VWA5B1: variants seen among roughly 807,000 people sequenced by gnomAD.
VWA5B1 encodes the protein von Willebrand factor A domain-containing protein 5B1.
VWA5B1 carries 115 observed loss-of-function variants against 118.2 expected under a neutral mutation model. The ratio of observed to expected loss-of-function variants is 0.97; its 90% CI spans 0.84 to 1.14. The LOEUF (loss-of-function observed/expected upper bound fraction) is 1.14, where lower values mean the gene tolerates loss of function less well. Ranked by LOEUF, VWA5B1 falls within the 50% of genes most tolerant of loss-of-function variation. VWA5B1 has a pLI of 0.00. For missense variants in VWA5B1, 1,596 were observed against 1,603.8 expected, an observed-to-expected ratio of 1.00 and a Z score of 0.08; for synonymous variants, 682 against 658.4, an observed-to-expected ratio of 1.04 and a Z score of -0.55.
intron 1 of VWA5B1, among the ~76,000 whole-genome samples, chr1:20,309,279 A>G (rs1377938410): frequency 6.6e-6 from 1 of 152,258 alleles, no homozygotes; most frequent in Non-Finnish European, 1.5e-5. Context: ...AGAGTAACAG[A>G]CATCGCTCAG....
At chr1:20,333,556 C>G (rs2089631967) in intron 12 of VWA5B1, among the ~76,000 whole-genome samples, 1 of 152,252 alleles carries the variant, frequency 6.6e-6, no homozygotes, top group Admixed American at 6.5e-5. Context: ...GCCCAGGAAA[C>G]TGCATTTTAC....
chr1:20,291,339 C>CTCTTTCTTTCTT lies in VWA5B1; in HGVS notation c.-27+263_-27+274dup, dbSNP rs767987500. On this transcript the variant is annotated intron_variant, in intron 1 of 21. Coordinates refer to ENST00000289815, the MANE Select transcript of VWA5B1 (RefSeq NM_001039500.3). The stretch of plus-strand genomic sequence containing the variant: ...GCTACTCAGGTCCAGCTCTCTCTCT[C>CTCTTTCTTTCTT]TCTTTCTTTCTTTCTTTCTTTCTCT... 1.6e-3 allele frequency among the ~76,000 whole-genome samples: 220 copies of CTCTTTCTTTCTT among 135,102 alleles called. 3 individuals carry two copies. The highest frequency in any genetic ancestry group is 0.013 in the South Asian group (50 of 3,934). 88.6% of individuals were successfully genotyped at this position (135,102 alleles called of 152,430 possible).
intron 14 of VWA5B1, 152 bp downstream of exon 14, chr1:20,337,988 T>C (rs1344507360): frequency 6.0e-6 from 6 of 1,003,258 alleles, no homozygotes; most frequent in South Asian, 2.8e-5. Flanking sequence ...TTCATCTGCC[T>C]TACCTCCGAG....
intron 19 of VWA5B1, 111 bp downstream of exon 19, chr1:20,350,341 C>T (rs973072714): frequency 8.3e-7 from 1 of 1,208,642 alleles, no homozygotes; most frequent in African/African-American, 1.5e-5. Context: ...ATGGAGTCCT[C>T]AAAGCAGCCG....
intron 1 of VWA5B1, among the ~76,000 whole-genome samples, chr1:20,305,839 C>T (rs1053284538): frequency 6.6e-6 from 1 of 152,048 alleles, no homozygotes; most frequent in African/African-American, 2.4e-5. Context: ...TCCATAGCTT[C>T]TCTGTGGAGC....
At chr1:20,320,478 C>T (rs1355647593) in intron 7 of VWA5B1, among the ~76,000 whole-genome samples, 2 of 152,204 alleles carry the variant, frequency 1.3e-5, no homozygotes, top group African/African-American at 2.4e-5. Context: ...CCGGGGTTCT[C>T]AGAGTAGGGG....
At chr1:20,337,190 C>T (rs771166058) in intron 13 of VWA5B1, among the ~76,000 whole-genome samples, 8 of 152,048 alleles carry the variant, frequency 5.3e-5, no homozygotes, top group African/African-American at 1.4e-4. Flanking sequence ...TGCAGTGGTA[C>T]GATCTCTGTT....
At chr1:20,327,783 G>A (rs1489401955) in intron 8 of VWA5B1, 107 bp from the exon 9 acceptor site, 2 of 944,758 alleles carry the variant, frequency 2.1e-6, no homozygotes, top group Non-Finnish European at 3.3e-6. Context: ...GAGGGTAAAG[G>A]TCTGTTTGGA....
intron 1 of VWA5B1, among the ~76,000 whole-genome samples, chr1:20,292,113 C>A (rs1378938674): frequency 6.6e-6 from 1 of 151,792 alleles, no homozygotes; most frequent in Non-Finnish European, 1.5e-5. Context: ...TTCTTTCCCT[C>A]TGTCTCTCTT....
At chr1:20,311,813 T>C (rs1034530727) in intron 2 of VWA5B1, among the ~76,000 whole-genome samples, 8 of 152,178 alleles carry the variant, frequency 5.3e-5, no homozygotes, top group Non-Finnish European at 1.2e-4. Context: ...CAAAGGGAGC[T>C]GCAGGGAAAC....
At chr1:20,334,861 T>G (rs1213904551) in intron 12 of VWA5B1, among the ~76,000 whole-genome samples, 1 of 152,110 alleles carries the variant, frequency 6.6e-6, no homozygotes, top group Non-Finnish European at 1.5e-5. Context: ...GAAATCCTAC[T>G]CCTAGGAGTC....
intron 1 of VWA5B1, among the ~76,000 whole-genome samples, chr1:20,295,063 C>T (rs2100794417): frequency 6.6e-6 from 1 of 152,178 alleles, no homozygotes; most frequent in African/African-American, 2.4e-5. Flanking sequence ...ATCCTAGGGG[C>T]CCAGAGGAGG....
At chr1:20,307,810 C>CTT (rs11348747) in intron 1 of VWA5B1, among the ~76,000 whole-genome samples, 110 of 145,338 alleles carry the variant, frequency 7.6e-4, no homozygotes, top group African/African-American at 2.5e-3. Context: ...TTCTGACATT[C>CTT]TTTTTTTTTT....
In VWA5B1 at chr1:20,353,866, G is replaced by A. The variant is rs370322551; in HGVS notation, c.3251G>A (p.Arg1084Gln). 56 of 1,543,080 alleles carry A rather than the reference G, an allele frequency of 3.6e-5. 2 individuals carry two copies. In the South Asian group the frequency reaches 5.5e-4, roughly 15 times the overall value. The change falls in exon 22 of 22, where the codon CGA becomes CAA. Residue 1084 changes from arginine to glutamine, a missense_variant. Arg to Gln is a conservative substitution (Grantham distance 43, BLOSUM62 1). Transcript: ENST00000289815. ...LKWTSPFTCH[R>Q]VSLTTRPSES... ...TGGACGTCCCCCTTCACCTGCCATC[G>A]AGTGTCCCTCACCACCCGCCCGTCT...
In VWA5B1 at chr1:20,356,586, A is replaced by G. The variant is rs2090233962; in HGVS notation, c.*2323A>G. 6.6e-6 allele frequency among the ~76,000 whole-genome samples: 1 copy of G among 152,162 alleles called. No homozygotes were observed. The highest frequency in any genetic ancestry group is 1.5e-5 in the Non-Finnish European group (1 of 68,026). Reference sequence around the variant, plus strand: ...GCCAGCATAGAACTAGTGCTACAAGATGCCTAGCAGGAGCAACCAAGAAAT... The same window carrying G: ...GCCAGCATAGAACTAGTGCTACAAGGTGCCTAGCAGGAGCAACCAAGAAAT... On this transcript the variant is annotated 3_prime_UTR_variant, in exon 22 of 22. Transcript: ENST00000289815.
rs867904904 is a variant in VWA5B1 at position 20,314,379 on chromosome 1, T to A, written c.350T>A (p.Val117Glu). The change falls in exon 4 of 22, where the codon GTG becomes GAG. Residue 117 changes from valine (V) to glutamate (E), a missense_variant. Coordinates refer to ENST00000289815, the MANE Select transcript of VWA5B1 (RefSeq NM_001039500.3). ...CCTCATTCCTGCACACCGGGAAAGG[T>A]GACCTTGGACGAGGATTTGGAGCGG... ...IAPHSCTPGKVTLDEDLERIL... is the reference protein window; with the variant it reads ...IAPHSCTPGKETLDEDLERIL... The A allele has an allele frequency of 9.7e-6, 15 of 1,551,880 alleles. No individual in the cohort carries two copies. In the Middle Eastern group the frequency reaches 5.0e-4, roughly 52 times the overall value.
chr1:20,309,513 T>C (rs1329575488), intron 1 of VWA5B1, among the ~76,000 whole-genome samples: 1 of 152,144 alleles, frequency 6.6e-6, no homozygotes, highest in Non-Finnish European at 1.5e-5. Context: ...ACAGGACACA[T>C]GTCCGGAGTG....
intron 17 of VWA5B1, among the ~76,000 whole-genome samples, chr1:20,347,532 T>C (rs2090032424): frequency 6.6e-6 from 1 of 152,132 alleles, no homozygotes; most frequent in Non-Finnish European, 1.5e-5. Context: ...CTCTAACTCT[T>C]GGACTCAAGT....
Position 20,330,224 on chromosome 1 carries a change from C to T in VWA5B1, c.1299C>T (p.Ala433=), listed in dbSNP as rs776586321. ...GTGATGACATCCAGAGAATGAAGGC[C>T]GACATGGGTGGGACCAACATCCTTT... is the stretch of plus-strand genomic sequence containing the variant. ...MACDDIQRMK[A]DMGGTNILSP... The change falls in exon 10 of 22, where the codon GCC becomes GCT. Residue 433 remains alanine, a synonymous_variant. Coordinates refer to ENST00000289815, the MANE Select transcript of VWA5B1 (RefSeq NM_001039500.3). The T allele has an allele frequency of 9.7e-6, 15 of 1,551,720 alleles. No individual in the cohort carries two copies. Among genetic ancestry groups the T allele is most frequent in the South Asian group, 1.2e-5 (1 of 84,052 alleles).
Sources: allele counts gnomAD v4.1 joint callset (sites outside exome capture counted in the v4.1 genomes callset), GRCh38; gene constraint gnomAD v4.1.1; transcripts MANE v1.5; gene names NCBI Gene and HGNC (gene_info 2026-07-23, HGNC 2026-07-21).